DMXL2: variants seen among roughly 807,000 people sequenced by gnomAD.
The protein encoded by DMXL2 is dmX-like protein 2.
DMXL2 carries 103 observed loss-of-function variants against 331.1 expected under a neutral mutation model. The ratio of observed to expected loss-of-function variants is 0.31; its 90% CI spans 0.27 to 0.37. The LOEUF is 0.37. Ranked by LOEUF, DMXL2 falls within the 10% of genes least tolerant of loss-of-function variation. The pLI is 1.00. For synonymous variants in DMXL2, 1,281 were observed against 1,252.1 expected (o/e 1.02, Z -0.49); for missense variants, 3,171 against 3,642.9 (o/e 0.87, Z 3.33).
intron 2 of DMXL2, among the ~76,000 whole-genome samples, chr15:51,571,088 A>G (rs372127731): frequency 1.6e-4 from 25 of 152,344 alleles, no homozygotes; most frequent in African/African-American, 6.0e-4. Flanking sequence ...GGGATAGAGG[A>G]AGATTTACCA....
intron 1 of DMXL2, among the ~76,000 whole-genome samples, chr15:51,620,787 T>C (rs1053195938): frequency 5.3e-5 from 8 of 152,238 alleles, no homozygotes; most frequent in Non-Finnish European, 8.8e-5. Context: ...GCAAGAAGAT[T>C]TGAAAATGAC....
At chr15:51,524,566 G>C (rs1478436485) in intron 13 of DMXL2, among the ~76,000 whole-genome samples, 1 of 152,182 alleles carries the variant, frequency 6.6e-6, no homozygotes, top group East Asian at 1.9e-4. Flanking sequence ...GGCAGCAGCA[G>C]CGTGGTGCTG....
chr15:51,535,681 C>T lies in DMXL2; in HGVS notation c.2418G>A (p.Leu806=). The T allele has an allele frequency of 1.2e-6, 2 of 1,601,586 alleles. No homozygotes were observed. The highest frequency in any genetic ancestry group is 1.7e-6 in the Non-Finnish European group (2 of 1,175,188). The change falls in exon 13 of 44, where the codon TTG becomes TTA. Residue 806 remains leucine (L), a synonymous_variant. Transcript: ENST00000560891. The stretch of plus-strand genomic sequence containing the variant: ...TACTTACTGAAGATTCTGGGTCTGA[C>T]AATTCATCTAATAATTTCCTTGCAT... ...VVDARKLLDE[L]SDPESSKLIG...
intron 15 of DMXL2, among the ~76,000 whole-genome samples, chr15:51,510,319 G>A (rs1047152161): frequency 6.6e-6 from 1 of 152,152 alleles, no homozygotes; most frequent in African/African-American, 2.4e-5. Flanking sequence ...AATCGTCTCA[G>A]CCCAAAATCT....
intron 6 of DMXL2, among the ~76,000 whole-genome samples, chr15:51,549,401 G>A (rs1037396206): frequency 6.6e-6 from 1 of 152,042 alleles, no homozygotes; most frequent in Non-Finnish European, 1.5e-5. Context: ...TTTTGCAACT[G>A]CAAATTGTGC....
intron 43 of DMXL2, 42 bp from the exon 44 acceptor site, chr15:51,449,235 A>T: frequency 6.2e-7 from 1 of 1,602,802 alleles, no homozygotes; most frequent in Middle Eastern, 1.7e-4. Flanking sequence ...TTACGAAAAG[A>T]CCAAAAGCAA....
At chr15:51,588,378 C>T (rs77808270) in intron 1 of DMXL2, among the ~76,000 whole-genome samples, 5 of 152,002 alleles carry the variant, frequency 3.3e-5, no homozygotes, top group Non-Finnish European at 4.4e-5. Context: ...AGGCTAGTCT[C>T]GAACTCCTGG....
chr15:51,480,148 G>A lies in DMXL2; in HGVS notation c.6565-9C>T. 1 of 1,502,198 alleles carries A rather than the reference G, an allele frequency of 6.7e-7. No individual in the cohort carries two copies. The highest frequency in any genetic ancestry group is 8.9e-7 in the Non-Finnish European group (1 of 1,117,732). The allele number at this position is 1,502,198 out of a possible 1,614,324, so 93.1% of individuals were successfully genotyped here. ...TGCTTTACTGTAGTTTCCTGTGGGT[G>A]ATAGTGAATTATTTTTTTCAAAGTA... On this transcript the variant is annotated splice_polypyrimidine_tract_variant and intron_variant, in intron 24 of 43. Coordinates refer to ENST00000560891, the MANE Select transcript of DMXL2 (RefSeq NM_001378457.1).
chr15:51,620,049 A>T (rs1046757495), intron 1 of DMXL2, among the ~76,000 whole-genome samples: 1 of 151,988 alleles, frequency 6.6e-6, no homozygotes, highest in African/African-American at 2.4e-5. Flanking sequence ...TTTTACTATT[A>T]TATTACTTTA....
intron 2 of DMXL2, among the ~76,000 whole-genome samples, chr15:51,574,811 T>C (rs945877636): frequency 3.3e-5 from 5 of 152,256 alleles, no homozygotes; most frequent in African/African-American, 9.6e-5. Context: ...CAATGTCTTA[T>C]ATACTTTTTT....
At chr15:51,510,127 T>G (rs1467431827) in intron 15 of DMXL2, among the ~76,000 whole-genome samples, 1 of 152,226 alleles carries the variant, frequency 6.6e-6, no homozygotes, top group Non-Finnish European at 1.5e-5. Context: ...GCTGGAAGTA[T>G]TCCCTTTGAA....
chr15:51,591,743 C>A (rs1022941663), intron 1 of DMXL2, among the ~76,000 whole-genome samples: 1 of 151,950 alleles, frequency 6.6e-6, no homozygotes, highest in East Asian at 1.9e-4. Flanking sequence ...TCCAGAGGAA[C>A]GATCCGCTGT....
At chr15:51,619,565 C>T (rs1005687158) in intron 1 of DMXL2, among the ~76,000 whole-genome samples, 7 of 152,122 alleles carry the variant, frequency 4.6e-5, no homozygotes, top group South Asian at 4.1e-4. Flanking sequence ...CAACCAATCA[C>T]GCCACCCACC....
intron 23 of DMXL2, 28 bp downstream of exon 23, chr15:51,486,036 TAAAAAAGAA>T: frequency 6.5e-7 from 1 of 1,528,564 alleles, no homozygotes; most frequent in African/African-American, 1.4e-5. Context: ...TCTCTTCCTT[TAAAAAAGAA>T]AAAAAAGAAA....
chr15:51,567,919 C>A (rs1281989148), intron 3 of DMXL2: 1 of 152,240 alleles, frequency 6.6e-6, no homozygotes, highest in Admixed American at 6.6e-5. Flanking sequence ...TCCATCTCTA[C>A]GAAAAATTTA....
intron 1 of DMXL2, among the ~76,000 whole-genome samples, chr15:51,604,806 T>A (rs1028892695): frequency 6.6e-6 from 1 of 152,028 alleles, no homozygotes; most frequent in East Asian, 1.9e-4. Context: ...AAAAAGAGAA[T>A]AAAGTTCAAA....
At chr15:51,496,014 A>G (rs1344813178) in intron 18 of DMXL2, among the ~76,000 whole-genome samples, 2 of 151,986 alleles carry the variant, frequency 1.3e-5, no homozygotes, top group Non-Finnish European at 2.9e-5. Context: ...ATATGTATCT[A>G]TTTATTTATT....
rs1187823983 is a variant in DMXL2, at chr15:51,605,704, C to T, written c.87+16755G>A. Reference sequence around the variant, plus strand: ...GACTACAGGCGCCCGCCACCGCGCCCGGCTAATATTTTGTATTTTTAGTAG... The same window carrying T: ...GACTACAGGCGCCCGCCACCGCGCCTGGCTAATATTTTGTATTTTTAGTAG... On this transcript the variant is annotated intron_variant, in intron 1 of 43. Transcript: ENST00000560891. Among the ~76,000 whole-genome samples, 12 of 99,484 alleles carry T rather than the reference C, an allele frequency of 1.2e-4. 2 individuals carry two copies. Among genetic ancestry groups the T allele is most frequent in the Non-Finnish European group, 1.8e-4 (8 of 44,142 alleles). The allele number at this position is 99,484 out of a possible 152,430, so 65.3% of individuals were successfully genotyped here.
chr15:51,594,471 A>C (rs2052636858), intron 1 of DMXL2, among the ~76,000 whole-genome samples: 1 of 152,214 alleles, frequency 6.6e-6, no homozygotes, highest in Non-Finnish European at 1.5e-5. Context: ...TCACAGCCAA[A>C]TTCTACCAGA....
Sources: allele counts gnomAD v4.1 joint callset (sites outside exome capture counted in the v4.1 genomes callset), GRCh38; gene constraint gnomAD v4.1.1; transcripts MANE v1.5; gene names NCBI Gene and HGNC (gene_info 2026-07-23, HGNC 2026-07-21).